GPC3: variants seen among roughly 807,000 people sequenced by gnomAD.
GPC3 encodes the protein glypican 3, also known as glypican-3.
In GPC3, 3 loss-of-function variants were observed where a neutral mutation model predicts 34.4. That is an observed-to-expected ratio of 0.09 (90% confidence interval 0.04 to 0.23). GPC3 has a LOEUF of 0.23. Ranked by LOEUF, GPC3 falls within the 10% of genes least tolerant of loss-of-function variation. GPC3 has a pLI of 1.00. For missense variants in GPC3, 351 were observed against 445.6 expected (o/e 0.79, Z 1.91); for synonymous variants, 177 against 174.0 (o/e 1.02, Z -0.13).
intron 6 of GPC3, among the ~76,000 whole-genome samples, chrX:133,601,450 T>C (rs1301801014): frequency 4.5e-5 from 5 of 111,861 alleles, no homozygotes; most frequent in Non-Finnish European, 9.4e-5. Context: ...AGTGTCCTCA[T>C]CTATAAAATG....
intron 2 of GPC3, among the ~76,000 whole-genome samples, chrX:133,775,706 G>C (rs1371399240): frequency 9.0e-6 from 1 of 111,685 alleles, no homozygotes; most frequent in South Asian, 3.8e-4. Flanking sequence ...TTCACTACAC[G>C]AGGGGCTTTG....
At position 133,877,250 on chromosome X, in the gene GPC3, C is replaced by T. The variant is rs776646540; in HGVS notation, c.337+75800G>A. On this transcript the variant is annotated intron_variant, in intron 2 of 7. Transcript: ENST00000370818. ...TAATAGAGGTAAATTTATTTTAAGGCCATGGTTGCATTAAGTTTTCCCTCA... is the reference window on the plus strand; with the variant it reads ...TAATAGAGGTAAATTTATTTTAAGGTCATGGTTGCATTAAGTTTTCCCTCA... 4.5e-5 allele frequency among the ~76,000 whole-genome samples: 5 copies of T among 111,543 alleles called. No homozygotes were observed. The East Asian group carries it at 8.4e-4, about 19-fold the overall frequency.
intron 3 of GPC3, among the ~76,000 whole-genome samples, chrX:133,750,799 C>T (rs11795800): frequency 1.8e-5 from 2 of 110,976 alleles, no homozygotes; most frequent in African/African-American, 3.3e-5. Context: ...CATGGCCAGG[C>T]GTGGTGGCTC....
At chrX:133,577,219 C>CT (rs2069691755) in intron 7 of GPC3, among the ~76,000 whole-genome samples, 2 of 112,245 alleles carry the variant, frequency 1.8e-5, no homozygotes, top group African/African-American at 6.5e-5. Flanking sequence ...AGACATGAAG[C>CT]TAAGATGAAA....
chrX:133,801,090 T>G (rs1400181502), intron 2 of GPC3, among the ~76,000 whole-genome samples: 1 of 112,154 alleles, frequency 8.9e-6, no homozygotes, highest in African/African-American at 3.2e-5. Flanking sequence ...CAAGCACTAG[T>G]AATCAAAGTT....
At chrX:133,643,610 T>C (rs1056350652) in intron 6 of GPC3, among the ~76,000 whole-genome samples, 1 of 111,744 alleles carries the variant, frequency 8.9e-6, no homozygotes, top group Non-Finnish European at 1.9e-5. Context: ...TCCACATACA[T>C]ATATACACAT....
At chrX:133,750,734 C>T (rs1175147250) in intron 3 of GPC3, among the ~76,000 whole-genome samples, 3 of 111,646 alleles carry the variant, frequency 2.7e-5, no homozygotes, top group Non-Finnish European at 3.8e-5. Flanking sequence ...CAAAACAGTG[C>T]GCTTAATTCT....
chrX:133,882,107 C>A (rs1382513473), intron 2 of GPC3, among the ~76,000 whole-genome samples: 2 of 112,097 alleles, frequency 1.8e-5, no homozygotes, highest in African/African-American at 6.5e-5. Context: ...GCACTCTGGG[C>A]TCCTTTAGTC....
intron 6 of GPC3, among the ~76,000 whole-genome samples, chrX:133,612,707 T>C (rs1403735692): frequency 8.9e-6 from 1 of 112,538 alleles, no homozygotes; most frequent in Non-Finnish European, 1.9e-5. Context: ...GTTTTCCATA[T>C]TTGTCAAATC....
intron 2 of GPC3, among the ~76,000 whole-genome samples, chrX:133,832,905 G>A (rs765608234): frequency 8.3e-4 from 93 of 112,193 alleles, no homozygotes; most frequent in Non-Finnish European, 1.4e-3. Context: ...AATAGTTAAT[G>A]AAAACTCACA....
At chrX:133,721,503 A>T (rs1420798778) in intron 3 of GPC3, among the ~76,000 whole-genome samples, 2 of 111,788 alleles carry the variant, frequency 1.8e-5, no homozygotes, top group African/African-American at 6.5e-5. Context: ...TATTAATTTA[A>T]AAAGCCCAGG....
At chrX:133,674,363 C>G (rs965529283) in intron 5 of GPC3, among the ~76,000 whole-genome samples, 1 of 111,393 alleles carries the variant, frequency 9.0e-6, no homozygotes, top group African/African-American at 3.3e-5. Flanking sequence ...TTATTTTGGT[C>G]CTCGGTAAAG....
intron 2 of GPC3, among the ~76,000 whole-genome samples, chrX:133,936,483 A>G (rs1173024302): frequency 9.0e-6 from 1 of 111,257 alleles, no homozygotes; most frequent in Non-Finnish European, 1.9e-5. Flanking sequence ...GATAAAACAT[A>G]TCACAGCTCT....
In GPC3 at chrX:133,972,913, T is replaced by C. The variant is rs1480973386; in HGVS notation, c.175+12362A>G. On this transcript the variant is annotated intron_variant, in intron 1 of 7. Coordinates refer to ENST00000370818, the MANE Select transcript of GPC3 (RefSeq NM_004484.4). Reference sequence around the variant, plus strand: ...CACTGGCAGGACTTCCAGATGGACATGTCCAGCAGACAACTGGGAAATACT... The same window carrying C: ...CACTGGCAGGACTTCCAGATGGACACGTCCAGCAGACAACTGGGAAATACT... Among the ~76,000 whole-genome samples the C allele has an allele frequency of 5.4e-5, 6 of 111,274 alleles. No individual in the cohort carries two copies. In the East Asian group the frequency reaches 1.7e-3, roughly 31 times the overall value.
rs1415785800 is a variant in GPC3, at chrX:133,953,675, T to C, written c.176-464A>G. Among the ~76,000 whole-genome samples the C allele has an allele frequency of 2.7e-5, 3 of 112,067 alleles. No individual in the cohort carries two copies. The East Asian group carries it at 8.4e-4, about 31-fold the overall frequency. On this transcript the variant is annotated intron_variant, in intron 1 of 7. Transcript: ENST00000370818. ...ATGTCTGGCCAACCCAATACTGCTT[T>C]TCAGGATAAATGATCAAAACATCAA...
Position 133,920,860 on chromosome X carries a change from T to C in GPC3, c.337+32190A>G, listed in dbSNP as rs530566128. On this transcript the variant is annotated intron_variant, in intron 2 of 7. Transcript: ENST00000370818. ...CTCCCCCTAATATTAACACCTTACA[T>C]AACCATGGATTATTTGTCAAAATTT... Among the ~76,000 whole-genome samples, 10 of 112,244 alleles carry C rather than the reference T, an allele frequency of 8.9e-5. No individual in the cohort carries two copies. In the South Asian group the frequency reaches 3.8e-3, roughly 42 times the overall value.
chrX:133,627,843 C>T (rs745331285), intron 6 of GPC3, among the ~76,000 whole-genome samples: 27 of 112,238 alleles, frequency 2.4e-4, no homozygotes, highest in Non-Finnish European at 4.1e-4. Flanking sequence ...TCCCTAGGCT[C>T]TGAGTAAACG....
rs995507988 is a variant in GPC3 at position 133,605,556 on chromosome X, T to C, written c.1414-8957A>G. ...AAAGTAATGAACAGTAAATATTAAATGGATGAATGAACAAATAAATAGAAT... is the reference window on the plus strand; with the variant it reads ...AAAGTAATGAACAGTAAATATTAAACGGATGAATGAACAAATAAATAGAAT... On this transcript the variant is annotated intron_variant, in intron 6 of 7. Transcript: ENST00000370818. Among the ~76,000 whole-genome samples the C allele has an allele frequency of 5.4e-5, 6 of 111,974 alleles. No individual in the cohort carries two copies. In the East Asian group the frequency reaches 1.7e-3, roughly 31 times the overall value.
At chrX:133,734,256 T>C (rs1220440921) in intron 3 of GPC3, among the ~76,000 whole-genome samples, 1 of 111,883 alleles carries the variant, frequency 8.9e-6, no homozygotes, top group African/African-American at 3.2e-5. Flanking sequence ...ATCAATGTAA[T>C]ATATCATATC....
Sources: gnomAD v4.1 joint callset for allele counts (sites outside exome capture counted in the v4.1 genomes callset) on GRCh38, gnomAD v4.1.1 for gene constraint, MANE v1.5 for transcripts, NCBI Gene and HGNC (gene_info 2026-07-23, HGNC 2026-07-21) for gene names.